Variants in COL15A1 observed in about 807,000 individuals in gnomAD.
The protein encoded by COL15A1 is collagen alpha-1(XV) chain.
COL15A1 carries 111 observed loss-of-function variants against 165.9 expected under a neutral mutation model. The observed-to-expected ratio is 0.67, with a 90% CI of 0.57 to 0.78. The LOEUF (loss-of-function observed/expected upper bound fraction) is 0.78, where lower values mean the gene tolerates loss of function less well. Among genes scored for constraint, COL15A1 ranks in the 30% least tolerant of loss-of-function variants. The pLI is 0.00. For synonymous variants in COL15A1, 659 were observed against 674.8 expected (o/e 0.98, Z 0.36); for missense variants, 1,745 against 1,789.7 (o/e 0.98, Z 0.45).
chr9:98,958,829 T>TGA (rs1837819278), intron 2 of COL15A1, among the ~76,000 whole-genome samples: 1 of 152,124 alleles, frequency 6.6e-6, no homozygotes, highest in South Asian at 2.1e-4. Flanking sequence ...CCAAGTCCCC[T>TGA]CCATTCTCTG....
intron 21 of COL15A1, 103 bp downstream of exon 21, chr9:99,036,499 A>C: frequency 8.2e-7 from 1 of 1,212,292 alleles, no homozygotes; most frequent in Non-Finnish European, 1.2e-6. Context: ...TGCAGGAGGC[A>C]TGTAGCCAGT....
Position 99,055,083 on chromosome 9 carries a change from C to T in COL15A1, c.3032-19C>T, listed in dbSNP as rs202098378. 1.3e-5 allele frequency: 21 copies of T among 1,602,504 alleles called. No homozygotes were observed. Among genetic ancestry groups the T allele is most frequent in the African/African-American group, 1.3e-5 (1 of 74,640 alleles). On this transcript the variant is annotated intron_variant, in intron 32 of 41. Transcript: ENST00000375001. ...TCTGAAATTACAATCGTGAATTTTA[C>T]GAAGCATTTCTTTTTCAGGTCCTCC...
intron 4 of COL15A1, among the ~76,000 whole-genome samples, chr9:98,987,767 G>A (rs1838340598): frequency 6.6e-6 from 1 of 152,208 alleles, no homozygotes; most frequent in Non-Finnish European, 1.5e-5. Flanking sequence ...GGATGGAGTG[G>A]TGGGCAGGAA....
intron 9 of COL15A1, among the ~76,000 whole-genome samples, chr9:99,014,554 A>G (rs1482971940): frequency 6.6e-6 from 1 of 152,194 alleles, no homozygotes; most frequent in African/African-American, 2.4e-5. Flanking sequence ...TCAAGCACCG[A>G]TATGAGATTT....
chr9:99,006,863 A>T (rs190706034), intron 9 of COL15A1, among the ~76,000 whole-genome samples: 275 of 152,360 alleles, frequency 1.8e-3, no homozygotes, highest in Admixed American at 4.3e-3. Context: ...GAGGTGTATC[A>T]GCTGTAAAGC....
At chr9:99,069,545 A>G in intron 41 of COL15A1, 128 bp from the exon 42 acceptor site, 2 of 1,206,208 alleles carry the variant, frequency 1.7e-6, no homozygotes, top group East Asian at 4.7e-5. Context: ...CAATGAGGAT[A>G]GAGAAGTGAT....
At chr9:98,996,863 G>A in intron 5 of COL15A1, 71 bp from the exon 6 acceptor site, 1 of 1,586,690 alleles carries the variant, frequency 6.3e-7, no homozygotes. Context: ...TTTCTTCAGT[G>A]ATATTCTCTG....
chr9:99,039,491 A>C (rs1485913790), intron 22 of COL15A1, among the ~76,000 whole-genome samples: 1 of 152,254 alleles, frequency 6.6e-6, no homozygotes, highest in East Asian at 1.9e-4. Flanking sequence ...GCTGGGTGAC[A>C]AAGTGAGACT....
At chr9:99,028,756 T>C (rs1339007611) in intron 16 of COL15A1, among the ~76,000 whole-genome samples, 2 of 152,190 alleles carry the variant, frequency 1.3e-5, no homozygotes, top group Non-Finnish European at 2.9e-5. Flanking sequence ...GCTCAGGTGA[T>C]GGGTGCACCA....
rs750969536 is a variant in COL15A1 at position 98,944,051 on chromosome 9, A to C, written c.-11A>C. The C allele has an allele frequency of 3.1e-6, 5 of 1,614,018 alleles. No homozygotes were observed. The highest frequency in any genetic ancestry group is 4.2e-6 in the Non-Finnish European group (5 of 1,179,894). ...AGCCGCGCGCCTTCCGGGGCTCCGC[A>C]GACCCGCGAGATGGCACCAAGGTAA... On this transcript the variant is annotated 5_prime_UTR_variant, in exon 1 of 42. Transcript: ENST00000375001.
intron 2 of COL15A1, among the ~76,000 whole-genome samples, chr9:98,980,717 G>A (rs561056803): frequency 1.1e-4 from 16 of 152,312 alleles, no homozygotes; most frequent in Admixed American, 3.3e-4. Flanking sequence ...GGGGTTAATC[G>A]TTTTCATAAA....
chr9:99,048,034 T>C lies in COL15A1; in HGVS notation c.2793+34T>C, dbSNP rs1839522883. On this transcript the variant is annotated intron_variant, in intron 28 of 41. Transcript: ENST00000375001. ...CCCTGGGGATGGAGCCGGAGGTTGG[T>C]GTCCAGAGAGGGTGAGAGAGTGTGG... 6 of 1,230,970 alleles carry C rather than the reference T, an allele frequency of 4.9e-6. No homozygotes were observed. In the East Asian group the frequency reaches 1.5e-4, roughly 31 times the overall value. 76.3% of individuals were successfully genotyped at this position (1,230,970 alleles called of 1,614,324 possible).
At chr9:98,988,598 T>C (rs1838357573) in intron 4 of COL15A1, among the ~76,000 whole-genome samples, 1 of 152,152 alleles carries the variant, frequency 6.6e-6, no homozygotes, top group South Asian at 2.1e-4. Flanking sequence ...TTGTGTATTC[T>C]GTTAGAGCAA....
intron 2 of COL15A1, among the ~76,000 whole-genome samples, chr9:98,956,421 A>G (rs1301857466): frequency 6.6e-6 from 1 of 152,228 alleles, no homozygotes; most frequent in Admixed American, 6.5e-5. Flanking sequence ...GTTTTAATAT[A>G]TAGGATATAC....
intron 11 of COL15A1, among the ~76,000 whole-genome samples, chr9:99,017,379 T>C (rs1419086518): frequency 2.6e-5 from 4 of 152,256 alleles, no homozygotes; most frequent in Admixed American, 6.5e-5. Flanking sequence ...GAAGTCCTCA[T>C]CCATGAGAGT....
At chr9:98,964,196 A>C (rs1837911616) in intron 2 of COL15A1, among the ~76,000 whole-genome samples, 8 of 151,360 alleles carry the variant, frequency 5.3e-5, no homozygotes, top group African/African-American at 1.2e-4. Context: ...CCCCGAGGTC[A>C]CCTCCCCTCC....
chr9:99,046,424 C>T (rs577700768), intron 26 of COL15A1, among the ~76,000 whole-genome samples: 1 of 152,304 alleles, frequency 6.6e-6, no homozygotes, highest in South Asian at 2.1e-4. Context: ...TGATTCTTAA[C>T]ACACATTGAT....
At chr9:99,069,566 G>A in intron 41 of COL15A1, 107 bp from the exon 42 acceptor site, 1 of 1,400,036 alleles carries the variant, frequency 7.1e-7, no homozygotes, top group Non-Finnish European at 9.8e-7. Flanking sequence ...TTGGCATCAG[G>A]GTTAAGGAGT....
At chr9:99,019,093 A>G (rs961755623) in intron 11 of COL15A1, among the ~76,000 whole-genome samples, 6 of 152,348 alleles carry the variant, frequency 3.9e-5, no homozygotes, top group East Asian at 1.9e-4. Context: ...GGGATCTGCA[A>G]TGAACTCAGA....
Sources: allele counts gnomAD v4.1 joint callset (sites outside exome capture counted in the v4.1 genomes callset), GRCh38; gene constraint gnomAD v4.1.1; transcripts MANE v1.5; gene names NCBI Gene and HGNC (gene_info 2026-07-23, HGNC 2026-07-21).